The following BPTF variants were observed in gnomAD, a reference collection of about 807,000 sequenced individuals.
BPTF encodes the protein bromodomain PHD finger transcription factor.
Under a neutral mutation model 292.5 loss-of-function variants are expected in BPTF, and 18 were observed. The ratio of observed to expected loss-of-function variants is 0.06; its 90% CI spans 0.04 to 0.09. The LOEUF is 0.09. Among genes scored for constraint, BPTF ranks in the 10% least tolerant of loss-of-function variants. The probability of loss-of-function intolerance (pLI) is 1.00; values close to 1 mark genes in which losing one functional copy is unlikely to be tolerated. For synonymous variants in BPTF, 1,225 were observed against 1,251.9 expected (o/e 0.98, Z 0.45); for missense variants, 2,726 against 3,498.7 (o/e 0.78, Z 5.57).
rs1397136417 is a variant in BPTF, at chr17:67,844,349, G to A, written c.614-9591G>A. The stretch of plus-strand genomic sequence containing the variant: ...TGCAAGCTCTATCTCCTAGGTTCAC[G>A]CCATTCTCCTGCCTCAGCCTCCCGA... On this transcript the variant is annotated intron_variant, in intron 1 of 27. Transcript: ENST00000306378. 4.0e-5 allele frequency among the ~76,000 whole-genome samples: 6 copies of A among 150,864 alleles called. No individual in the cohort carries two copies. In the East Asian group the frequency reaches 9.8e-4, roughly 25 times the overall value.
chr17:67,851,190 T>C (rs897761630), intron 1 of BPTF, among the ~76,000 whole-genome samples: 1 of 151,908 alleles, frequency 6.6e-6, no homozygotes, highest in Non-Finnish European at 1.5e-5. Context: ...ACGAGTTGTT[T>C]GGCATGAGGT....
At chr17:67,963,531 T>C (rs2067710811) in intron 24 of BPTF, 1 of 1,381,020 alleles carries the variant, frequency 7.2e-7, no homozygotes, top group Admixed American at 2.9e-5. Flanking sequence ...GAGCATCATA[T>C]TTAATAATTT....
At chr17:67,943,846 T>C (rs782122452) in intron 19 of BPTF, among the ~76,000 whole-genome samples, 1 of 152,232 alleles carries the variant, frequency 6.6e-6, no homozygotes, top group Non-Finnish European at 1.5e-5. Context: ...GTGGGGACTT[T>C]AGTTATTCAA....
intron 1 of BPTF, among the ~76,000 whole-genome samples, chr17:67,840,346 A>G (rs770258772): frequency 6.6e-6 from 1 of 152,038 alleles, no homozygotes; most frequent in Non-Finnish European, 1.5e-5. Flanking sequence ...GGCTCAAGCA[A>G]TCCACCTGCC....
intron 7 of BPTF, among the ~76,000 whole-genome samples, chr17:67,895,608 G>A (rs534775355): frequency 1.3e-5 from 2 of 151,718 alleles, no homozygotes; most frequent in Admixed American, 6.6e-5. Context: ...GACTACAGAC[G>A]CATTCCACTA....
At chr17:67,833,917 C>G (rs1307519532) in intron 1 of BPTF, among the ~76,000 whole-genome samples, 1 of 152,150 alleles carries the variant, frequency 6.6e-6, no homozygotes, top group Non-Finnish European at 1.5e-5. Flanking sequence ...ATTGGTTAGG[C>G]TGGGATGTGG....
chr17:67,843,983 T>C (rs1472014067), intron 1 of BPTF, among the ~76,000 whole-genome samples: 2 of 150,698 alleles, frequency 1.3e-5, no homozygotes, highest in East Asian at 3.9e-4. Context: ...CAGGCTGGTC[T>C]CAAACTCCTG....
intron 1 of BPTF, among the ~76,000 whole-genome samples, chr17:67,829,423 T>TG (rs1450194507): frequency 1.3e-5 from 2 of 151,978 alleles, no homozygotes; most frequent in Non-Finnish European, 2.9e-5. Flanking sequence ...TGTGCCATGG[T>TG]GGCTTGCTGC....
At chr17:67,829,167 GT>G (rs946247374) in intron 1 of BPTF, among the ~76,000 whole-genome samples, 107 of 138,846 alleles carry the variant, frequency 7.7e-4, no homozygotes, top group South Asian at 9.0e-4. Flanking sequence ...ATCAGTGAAT[GT>G]TTTTTTTTTT....
Position 67,912,411 on chromosome 17 carries a change from G to A in BPTF, c.4527G>A (p.Glu1509=). ...DSLETLPSTK[E]SDSTQTTTPS... is the part of the protein sequence containing the mutation. ...TTGAGACCCTGCCATCAACCAAAGA[G>A]TCTGACAGTACACAGACGACCACAC... Residue 1509 remains glutamate (E), a synonymous_variant, in exon 11 of 28, where the codon GAG becomes GAA. Coordinates refer to ENST00000306378, the MANE Select transcript of BPTF (RefSeq NM_182641.4). 6.2e-7 allele frequency: 1 copy of A among 1,614,018 alleles called. No homozygotes were observed. Among genetic ancestry groups the A allele is most frequent in the Non-Finnish European group, 8.5e-7 (1 of 1,180,010 alleles).
In BPTF at chr17:67,959,849, C is replaced by G. The variant is rs77146223; in HGVS notation, c.8235C>G (p.Ile2745Met). The G allele has an allele frequency of 6.2e-7, 1 of 1,603,496 alleles. No homozygotes were observed. Among genetic ancestry groups the G allele is most frequent in the Non-Finnish European group, 8.5e-7 (1 of 1,175,914 alleles). The change falls in exon 24 of 28, where the codon ATC becomes ATG. Residue 2745 changes from isoleucine to methionine, a missense_variant. By Grantham distance (10) the Ile-to-Met change is conservative (BLOSUM62 1). Coordinates refer to ENST00000306378, the MANE Select transcript of BPTF (RefSeq NM_182641.4). ...AGAAGGACACAAAGCTTTACTGTAT[C>G]TGTAAAACGCCTTATGATGAATCTA... is the stretch of plus-strand genomic sequence containing the variant. ...ETKKDTKLYC[I>M]CKTPYDESKF...
rs2065956612 is a variant in BPTF, at chr17:67,948,234, C to G, written c.7854C>G (p.His2618Gln). ...ATKLSALLFK[H>Q]KEQLRAEILK... ...AGCTGTCAGCTCTGCTCTTCAAGCA[C>G]AAAGAGCAGCTCAGAGCCGAGATCC... Residue 2618 changes from histidine (H) to glutamine (Q), a missense_variant, in exon 23 of 28, where the codon CAC becomes CAG. By Grantham distance (24) the His-to-Gln change is conservative. Around this residue, in one of 22 missense-constraint regions of BPTF, gnomAD observed 148 missense variants for 145.5 expected, o/e 1.02. Transcript: ENST00000306378. The G allele has an allele frequency of 6.2e-7, 1 of 1,614,020 alleles. No homozygotes were observed. The highest frequency in any genetic ancestry group is 1.7e-5 in the Admixed American group (1 of 59,990).
At chr17:67,981,593 TAA>T in intron 27 of BPTF, 3 of 1,047,412 alleles carry the variant, frequency 2.9e-6, no homozygotes, top group Non-Finnish European at 2.3e-6. Context: ...TGTATCGTGG[TAA>T]AAAATTTACT....
intron 1 of BPTF, among the ~76,000 whole-genome samples, chr17:67,843,184 C>A (rs1421699964): frequency 6.2e-5 from 8 of 128,566 alleles, no homozygotes; most frequent in Admixed American, 1.6e-4. Flanking sequence ...ATATAGATAT[C>A]TACATACATC....
In BPTF at chr17:67,945,548, G is replaced by T; in HGVS notation, c.6840G>T (p.Gln2280His). 6.2e-7 allele frequency: 1 copy of T among 1,611,826 alleles called. No homozygotes were observed. The change falls in exon 21 of 28, where the codon CAG becomes CAT. Residue 2280 changes from glutamine (Q) to histidine (H), a missense_variant. Physicochemically the swap from Gln to His is conservative, Grantham distance 24. Transcript: ENST00000306378. The part of the protein sequence containing the change: ...PQTAQPSAQP[Q>H]PQTQPQSPAQ... Reference sequence around the variant, plus strand: ...CTGCTCAGCCTTCAGCTCAGCCCCAGCCCCAAACCCAGCCCCAGTCCCCAG... The same window carrying T: ...CTGCTCAGCCTTCAGCTCAGCCCCATCCCCAAACCCAGCCCCAGTCCCCAG...
chr17:67,907,416 C>T (rs2062299039), intron 9 of BPTF, among the ~76,000 whole-genome samples: 1 of 150,284 alleles, frequency 6.7e-6, no homozygotes, highest in East Asian at 2.0e-4. Context: ...AGTGCAGTGG[C>T]ATGGTCTCAG....
chr17:67,832,783 CTTTTTTTTTTT>C (rs60751133), intron 1 of BPTF, among the ~76,000 whole-genome samples: 2 of 101,640 alleles, frequency 2.0e-5, no homozygotes, highest in African/African-American at 4.2e-5. Context: ...TGATTCGCCT[CTTTTTTTTTTT>C]TTTTTTTTTT....
At position 67,940,596 on chromosome 17, in the gene BPTF, C is replaced by T; in HGVS notation, c.6417C>T (p.Arg2139=). Residue 2139 remains arginine, a synonymous_variant, in exon 19 of 28, where the codon CGC becomes CGT. Transcript: ENST00000306378. The stretch of plus-strand genomic sequence containing the variant: ...AGTCTTCAGCCTCACAACCCCCTCG[C>T]CCCCAACAAGGACAAGTGAAGCTCA... ...NIQSSASQPP[R]PQQGQVKLTM... The T allele has an allele frequency of 2.4e-5, 38 of 1,614,128 alleles. No individual in the cohort carries two copies. The highest frequency in any genetic ancestry group is 3.2e-5 in the Non-Finnish European group (38 of 1,180,024).
At chr17:67,927,243 A>G (rs1046003037) in intron 15 of BPTF, among the ~76,000 whole-genome samples, 2 of 152,218 alleles carry the variant, frequency 1.3e-5, no homozygotes, top group African/African-American at 4.8e-5. Flanking sequence ...TTATAAGATA[A>G]TGAAGGTAAA....
Sources: allele counts gnomAD v4.1 joint callset (sites outside exome capture counted in the v4.1 genomes callset), GRCh38; gene constraint gnomAD v4.1.1; regional missense constraint gnomAD v4.1.1; transcripts MANE v1.5; gene names NCBI Gene and HGNC (gene_info 2026-07-23, HGNC 2026-07-21).